TJP1: variants seen among roughly 807,000 people sequenced by gnomAD.
The protein encoded by TJP1 is tight junction protein ZO-1.
In TJP1, 43 loss-of-function variants were observed where a neutral mutation model predicts 194.2. The observed-to-expected ratio is 0.22, with a 90% confidence interval of 0.17 to 0.29. The LOEUF is 0.29. Ranked by LOEUF, TJP1 falls within the 10% of genes least tolerant of loss-of-function variation. The pLI, the probability that TJP1 is intolerant of heterozygous loss-of-function variation, is 1.00. For synonymous variants in TJP1, 801 were observed against 779.0 expected, an observed-to-expected ratio of 1.03 and a Z score of -0.47; for missense variants, 1,971 against 2,185.7, an observed-to-expected ratio of 0.90 and a Z score of 1.96.
chr15:29,703,248 C>T (rs1300046490), intron 27 of TJP1, among the ~76,000 whole-genome samples: 5 of 152,024 alleles, frequency 3.3e-5, no homozygotes, highest in African/African-American at 4.8e-5. Flanking sequence ...GTCAGGAGTT[C>T]GAACCAGCCT....
chr15:29,708,904 T>C lies in TJP1; in HGVS notation c.4505A>G (p.Lys1502Arg), dbSNP rs2042071611. The change falls in exon 25 of 28, where the codon AAA (lysine) becomes AGA (arginine). Residue 1502 changes from lysine to arginine, a missense_variant. Coordinates refer to ENST00000614355, the MANE Select transcript of TJP1 (RefSeq NM_001330239.4). ...DTAQAAFYPQ[K>R]SFPDKAPVNG... is the part of the protein sequence containing the mutation. ...AACTGGGGCTTTATCTGGAAAACTT[T>C]TCTGGGGATAGAAAGCTGCCTGAGC... 1.2e-6 allele frequency: 2 copies of C among 1,614,180 alleles called. No homozygotes were observed. Among genetic ancestry groups the C allele is most frequent in the South Asian group, 1.1e-5 (1 of 91,068 alleles).
At chr15:29,867,291 A>G (rs1254494671) in intron 2 of TJP1, among the ~76,000 whole-genome samples, 1 of 152,208 alleles carries the variant, frequency 6.6e-6, no homozygotes, top group African/African-American at 2.4e-5. Context: ...TGAGCAAGAA[A>G]TCAACTGAAA....
At chr15:29,736,541 T>C (rs140850036) in intron 11 of TJP1, among the ~76,000 whole-genome samples, 5 of 152,300 alleles carry the variant, frequency 3.3e-5, no homozygotes, top group East Asian at 1.9e-4. Context: ...AAATGGGACA[T>C]AGTTTAATCT....
chr15:29,811,916 T>C (rs1314461085), intron 1 of TJP1, among the ~76,000 whole-genome samples: 1 of 152,206 alleles, frequency 6.6e-6, no homozygotes, highest in Non-Finnish European at 1.5e-5. Flanking sequence ...AGGCCAACCT[T>C]TGTCCATAAA....
intron 2 of TJP1, among the ~76,000 whole-genome samples, chr15:29,833,873 ATATATATATT>A (rs1467457025): frequency 2.2e-4 from 4 of 18,136 alleles, no homozygotes; most frequent in African/African-American, 7.1e-4. Flanking sequence ...ATATATATAT[ATATATATATT>A]TTTTTTTTTT....
chr15:29,761,092 C>G (rs1300275223), intron 8 of TJP1, 47 bp downstream of exon 8: 1 of 1,520,438 alleles, frequency 6.6e-7, no homozygotes, highest in Non-Finnish European at 8.8e-7. Context: ...ATACTGGTAT[C>G]AAGCAAACAA....
chr15:29,714,763 G>T (rs936156179), intron 23 of TJP1, among the ~76,000 whole-genome samples: 1 of 151,328 alleles, frequency 6.6e-6, no homozygotes, highest in East Asian at 1.9e-4. Flanking sequence ...GGATGGTCTC[G>T]ATCTCCTGAC....
At chr15:29,799,475 C>A (rs1371027493) in intron 2 of TJP1, among the ~76,000 whole-genome samples, 2 of 151,302 alleles carry the variant, frequency 1.3e-5, no homozygotes, top group Non-Finnish European at 2.9e-5. Flanking sequence ...AGTGCAGTGG[C>A]ATGATCTCGG....
chr15:29,737,236 ACC>A, intron 11 of TJP1, 26 bp downstream of exon 11: 2 of 1,608,868 alleles, frequency 1.2e-6, no homozygotes, highest in Non-Finnish European at 1.7e-6. Flanking sequence ...ATACTTTTTA[ACC>A]CACATAAGTT....
At position 29,733,178 on chromosome 15, in the gene TJP1, T is replaced by C. The variant is rs2043784822; in HGVS notation, c.1652A>G (p.Asn551Ser). 1.9e-6 allele frequency: 3 copies of C among 1,614,140 alleles called. No homozygotes were observed. Among genetic ancestry groups the C allele is most frequent in the Non-Finnish European group, 1.7e-6 (2 of 1,180,014 alleles). ...AGCAAGCCAAGAGCCCAGTTTTCCA[T>C]TGTACAAGGTATCCACAACACGGAA... The part of the protein sequence containing the change: ...EVFRVVDTLY[N>S]GKLGSWLAIR... Residue 551 changes from asparagine to serine, a missense_variant, in exon 13 of 28, where the codon AAT (asparagine) becomes AGT (serine). By Grantham distance (46) the Asn-to-Ser change is conservative. Transcript: ENST00000614355.
intron 2 of TJP1, among the ~76,000 whole-genome samples, chr15:29,863,575 C>T (rs940852393): frequency 1.1e-4 from 17 of 152,092 alleles, no homozygotes; most frequent in Admixed American, 3.3e-4. Flanking sequence ...TCTTTAGGCT[C>T]GCCCAGGCAG....
chr15:29,782,341 A>G (rs1301271888), intron 2 of TJP1, among the ~76,000 whole-genome samples: 1 of 152,204 alleles, frequency 6.6e-6, no homozygotes, highest in East Asian at 1.9e-4. Flanking sequence ...ACTGTAACAA[A>G]GACAGACACA....
chr15:29,786,214 T>G (rs945547918), intron 2 of TJP1, among the ~76,000 whole-genome samples: 1 of 152,188 alleles, frequency 6.6e-6, no homozygotes, highest in Non-Finnish European at 1.5e-5. Context: ...CTGTTTATTC[T>G]TACTCTCATT....
chr15:29,846,730 C>A (rs998568397), intron 2 of TJP1, among the ~76,000 whole-genome samples: 14 of 152,020 alleles, frequency 9.2e-5, no homozygotes, highest in Admixed American at 8.5e-4. Flanking sequence ...TCGAGACCAT[C>A]CTGGCTGACA....
intron 2 of TJP1, among the ~76,000 whole-genome samples, chr15:29,881,732 C>T (rs966930679): frequency 1.3e-5 from 2 of 152,016 alleles, no homozygotes; most frequent in South Asian, 4.2e-4. Context: ...TGGATACTTA[C>T]CAGTAATTCC....
intron 18 of TJP1, among the ~76,000 whole-genome samples, chr15:29,725,115 CA>C (rs907735087): frequency 2.0e-5 from 3 of 152,156 alleles, no homozygotes; most frequent in Non-Finnish European, 4.4e-5. Context: ...TCAAGTGCTG[CA>C]AAAGTAGAAA....
intron 1 of TJP1, among the ~76,000 whole-genome samples, chr15:29,962,327 A>T (rs1198783558): frequency 6.6e-6 from 1 of 152,100 alleles, no homozygotes; most frequent in Non-Finnish European, 1.5e-5. Context: ...AATATTTCTG[A>T]CCATTCTAAG....
chr15:29,706,671 T>TG (rs1694410828), intron 25 of TJP1, among the ~76,000 whole-genome samples: 1 of 152,152 alleles, frequency 6.6e-6, no homozygotes, highest in East Asian at 1.9e-4. Context: ...CCCTTCCTGT[T>TG]GTTTTTTGAA....
rs574238570 is a variant in TJP1, at chr15:29,833,600, G to A, written c.307-32898C>T. ...GTAGAGATGGGATTTGGCCATGTTG[G>A]GAGGCTAATCTTGAACTCCTGACCT... On this transcript the variant is annotated intron_variant, in intron 2 of 28. Coordinates refer to the TJP1 transcript ENST00000356107. Among the ~76,000 whole-genome samples the A allele has an allele frequency of 1.3e-4, 20 of 151,568 alleles. 1 individual carries two copies. The East Asian group carries it at 3.5e-3, about 27-fold the overall frequency.
Sources: gnomAD v4.1 joint callset for allele counts (sites outside exome capture counted in the v4.1 genomes callset) on GRCh38, gnomAD v4.1.1 for gene constraint, MANE v1.5 for transcripts, NCBI Gene and HGNC (gene_info 2026-07-23, HGNC 2026-07-21) for gene names.